Variants in SCARA5 observed in about 807,000 individuals in gnomAD.
SCARA5 encodes the protein scavenger receptor class A member 5.
A neutral mutation model predicts 46.3 loss-of-function variants in SCARA5; 45 were observed. The observed-to-expected ratio is 0.97, with a 90% CI of 0.76 to 1.24. The LOEUF is 1.24. Among genes scored for constraint, SCARA5 ranks in the 50% most tolerant of loss-of-function variants. SCARA5 has a pLI of 0.00. For missense variants in SCARA5, 680 were observed against 689.0 expected (o/e 0.99, Z 0.15); for synonymous variants, 333 against 306.5 (o/e 1.09, Z -0.90).
At chr8:27,884,874 G>C in intron 7 of SCARA5, among the ~76,000 whole-genome samples, 1 of 152,162 alleles carries the variant, frequency 6.6e-6, no homozygotes, top group East Asian at 1.9e-4. Flanking sequence ...GCGGTGATAA[G>C]AGCATAGATG....
rs183632408 is a variant in SCARA5, at chr8:27,974,572, C to T, written c.113-8030G>A. Among the ~76,000 whole-genome samples, 69 of 152,258 alleles carry T rather than the reference C, an allele frequency of 4.5e-4. 1 individual carries two copies. In the East Asian group the frequency reaches 8.3e-3, roughly 18 times the overall value. On this transcript the variant is annotated intron_variant, in intron 2 of 8. Transcript: ENST00000354914. ...GCTCATAAACAGCAGGTAGAGATAGCGTTTTATTGCTGGGAGGAACCTCAG... is the reference window on the plus strand; with the variant it reads ...GCTCATAAACAGCAGGTAGAGATAGTGTTTTATTGCTGGGAGGAACCTCAG...
chr8:27,988,841 C>A (rs1209202380), intron 1 of SCARA5, among the ~76,000 whole-genome samples: 1 of 152,072 alleles, frequency 6.6e-6, no homozygotes, highest in Non-Finnish European at 1.5e-5. Context: ...AGATAAAAGC[C>A]CCATGAGGAT....
intron 2 of SCARA5, among the ~76,000 whole-genome samples, chr8:27,984,504 T>TCATCTATCCATTCACTCATC (rs1563202256): frequency 7.0e-6 from 1 of 142,174 alleles, no homozygotes; most frequent in African/African-American, 2.7e-5. Flanking sequence ...ATTTATTCAT[T>TCATCTATCCATTCACTCATC]CATCTATCCA....
At chr8:27,907,566 C>T (rs1554570844) in intron 5 of SCARA5, among the ~76,000 whole-genome samples, 3 of 112,656 alleles carry the variant, frequency 2.7e-5, no homozygotes, top group Non-Finnish European at 5.3e-5. Flanking sequence ...TTAGAATCAG[C>T]AAACACTTTT....
Position 27,921,944 on chromosome 8 carries a change from C to G in SCARA5, c.543G>C (p.Ala181=). 1.9e-6 allele frequency: 3 copies of G among 1,541,638 alleles called. No homozygotes were observed. The highest frequency in any genetic ancestry group is 2.6e-6 in the Non-Finnish European group (3 of 1,152,814). The part of the protein sequence containing the change: ...RDRTGQQSDT[A]QLELYQLQVE... ...CCTGCAGCTGGTAGAGCTCCAGCTG[C>G]GCCGTGTCGCTCTGCTGGCCCGTGC... is the stretch of plus-strand genomic sequence containing the variant. The change falls in exon 4 of 9, where the codon GCG becomes GCC. Residue 181 remains alanine (A), a synonymous_variant. Transcript: ENST00000354914.
intron 4 of SCARA5, among the ~76,000 whole-genome samples, chr8:27,915,195 C>A (rs1807441741): frequency 6.6e-6 from 1 of 152,076 alleles, no homozygotes; most frequent in East Asian, 1.9e-4. Flanking sequence ...CTCTTTTTTT[C>A]ATCATTTAAG....
intron 7 of SCARA5, among the ~76,000 whole-genome samples, chr8:27,904,154 T>C (rs1807211087): frequency 6.6e-6 from 1 of 152,082 alleles, no homozygotes; most frequent in Non-Finnish European, 1.5e-5. Context: ...GTCTGCCGGA[T>C]CGCAAGCTCT....
chr8:27,931,320 T>G (rs57081902), intron 3 of SCARA5, among the ~76,000 whole-genome samples: 1 of 152,180 alleles, frequency 6.6e-6, no homozygotes, highest in East Asian at 1.9e-4. Context: ...TCTCTGAATT[T>G]GTGTTTTCTC....
chr8:27,956,461 G>T (rs781619270), intron 3 of SCARA5, among the ~76,000 whole-genome samples: 1 of 152,204 alleles, frequency 6.6e-6, no homozygotes, highest in Non-Finnish European at 1.5e-5. Flanking sequence ...AATGTTTATT[G>T]AGGCCCTAGT....
chr8:27,873,567 C>G (rs1585455400), intron 8 of SCARA5, among the ~76,000 whole-genome samples: 1 of 150,836 alleles, frequency 6.6e-6, no homozygotes, highest in East Asian at 2.0e-4. Flanking sequence ...CACCAGAGAA[C>G]AACCCCCTTT....
chr8:27,924,824 G>A (rs1286861562), intron 3 of SCARA5, among the ~76,000 whole-genome samples: 1 of 152,152 alleles, frequency 6.6e-6, no homozygotes, highest in Admixed American at 6.5e-5. Flanking sequence ...AAAATCACAA[G>A]CATTCCTATA....
At chr8:27,943,190 T>C (rs1053734172) in intron 3 of SCARA5, among the ~76,000 whole-genome samples, 2 of 152,194 alleles carry the variant, frequency 1.3e-5, no homozygotes, top group Non-Finnish European at 2.9e-5. Flanking sequence ...CCCCACAAGA[T>C]AGCCCTCTAA....
At chr8:27,992,082 A>G (rs1200550846) in intron 1 of SCARA5, among the ~76,000 whole-genome samples, 175 bp downstream of exon 1, 1 of 152,164 alleles carries the variant, frequency 6.6e-6, no homozygotes, top group Non-Finnish European at 1.5e-5. Context: ...GGCCCGGCAG[A>G]TATCTGCGGG....
intron 8 of SCARA5, among the ~76,000 whole-genome samples, chr8:27,874,772 T>G (rs1218539992): frequency 6.6e-6 from 1 of 152,238 alleles, no homozygotes; most frequent in East Asian, 1.9e-4. Context: ...CAAATCTGTC[T>G]GATGTGCAGC....
chr8:27,933,187 T>G (rs1807804259), intron 3 of SCARA5, among the ~76,000 whole-genome samples: 1 of 152,142 alleles, frequency 6.6e-6, no homozygotes, highest in Admixed American at 6.5e-5. Context: ...GCAGATGTAA[T>G]CTACTCTTTC....
rs537920298 is a variant in SCARA5, at chr8:27,934,300, C to T, written c.242-12055G>A. ...AGACAGAGGCAAGGAAGAAAATTGC[C>T]CACTTCAGGGTCTTGTTCCCAGGCA... On this transcript the variant is annotated intron_variant, in intron 3 of 8. Coordinates refer to ENST00000354914, the MANE Select transcript of SCARA5 (RefSeq NM_173833.6). Among the ~76,000 whole-genome samples the T allele has an allele frequency of 2.0e-5, 3 of 152,292 alleles. No homozygotes were observed. In the South Asian group the frequency reaches 6.2e-4, roughly 32 times the overall value.
intron 2 of SCARA5, among the ~76,000 whole-genome samples, chr8:27,986,076 C>T (rs1457139356): frequency 6.6e-6 from 1 of 152,178 alleles, no homozygotes; most frequent in African/African-American, 2.4e-5. Context: ...TGTACCCAGT[C>T]TTTCTTGCCA....
chr8:27,971,208 G>A (rs1808442699), intron 2 of SCARA5, among the ~76,000 whole-genome samples: 1 of 152,218 alleles, frequency 6.6e-6, no homozygotes, highest in Admixed American at 6.5e-5. Flanking sequence ...GCAATACAGG[G>A]AAGAATGAGG....
chr8:27,871,885 G>T lies in SCARA5; in HGVS notation c.*49C>A, dbSNP rs375973484. 65 of 1,611,428 alleles carry T rather than the reference G, an allele frequency of 4.0e-5. No homozygotes were observed. In the African/African-American group the frequency reaches 8.1e-4, roughly 20 times the overall value. On this transcript the variant is annotated 3_prime_UTR_variant, in exon 9 of 9. Coordinates refer to ENST00000354914, the MANE Select transcript of SCARA5 (RefSeq NM_173833.6). ...CCGAGCTGTGCCCCACCCCAGGGAT[G>T]CAGGAAGGGTGCTCTGTGCAGGACC...
Sources: gnomAD v4.1 joint callset for allele counts (sites outside exome capture counted in the v4.1 genomes callset) on GRCh38, gnomAD v4.1.1 for gene constraint, MANE v1.5 for transcripts, NCBI Gene and HGNC (gene_info 2026-07-23, HGNC 2026-07-21) for gene names.